The following SATB1 variants were observed in gnomAD, a reference collection of about 807,000 sequenced individuals.
SATB1 encodes the protein SATB homeobox 1, also known as DNA-binding protein SATB1.
A neutral mutation model predicts 86.9 loss-of-function variants in SATB1; 11 were observed. The ratio of observed to expected loss-of-function variants is 0.13; its 90% CI spans 0.08 to 0.21. The LOEUF (loss-of-function observed/expected upper bound fraction) is 0.21. Among genes scored for constraint, SATB1 ranks in the 10% least tolerant of loss-of-function variants. SATB1 has a pLI of 1.00. For missense variants in SATB1, 551 were observed against 937.6 expected (o/e 0.59, Z 5.39); for synonymous variants, 357 against 357.2 (o/e 1.00, Z 0.01).
intron 1 of SATB1, 67 bp from the exon 2 acceptor site, chr3:18,421,058 T>C (rs1170025762): frequency 6.4e-6 from 7 of 1,092,668 alleles, no homozygotes; most frequent in Middle Eastern, 2.6e-4. Context: ...ATGTGTCCTA[T>C]GTAAATGTTT....
chr3:18,427,646 C>CTATGCAT (rs1698751685), upstream of SATB1, among the ~76,000 whole-genome samples: 1 of 152,128 alleles, frequency 6.6e-6, no homozygotes, highest in Non-Finnish European at 1.5e-5. Flanking sequence ...CTGGTGAATG[C>CTATGCAT]TAATATAATA....
intron 5 of SATB1, among the ~76,000 whole-genome samples, chr3:18,398,912 C>G (rs940647980): frequency 4.6e-5 from 7 of 152,172 alleles, no homozygotes; most frequent in Non-Finnish European, 1.0e-4. Flanking sequence ...ATTACCTGAT[C>G]TGTCAGCTTC....
intron 9 of SATB1, among the ~76,000 whole-genome samples, chr3:18,372,051 A>G (rs1391990298): frequency 6.6e-6 from 1 of 152,230 alleles, no homozygotes; most frequent in Non-Finnish European, 1.5e-5. Context: ...GAATATTCTT[A>G]GTTTACACTT....
chr3:18,425,573 C>T (rs1029965041), upstream of SATB1, among the ~76,000 whole-genome samples: 2 of 151,132 alleles, frequency 1.3e-5, no homozygotes, highest in African/African-American at 2.4e-5. Flanking sequence ...GGGGAGCGCA[C>T]GATTTCCGGC....
At chr3:18,427,164 G>T (rs1411048972), upstream of SATB1, among the ~76,000 whole-genome samples, 1 of 152,150 alleles carries the variant, frequency 6.6e-6, no homozygotes, top group Admixed American at 6.5e-5. Flanking sequence ...AAAATGTGGG[G>T]AAATCTGAAG....
At position 18,421,227 on chromosome 3, in the gene SATB1, T is replaced by C. The variant is rs1031118224; in HGVS notation, c.-24-236A>G. 84 of 309,400 alleles carry C rather than the reference T, an allele frequency of 2.7e-4. 1 individual carries two copies. The highest frequency in any genetic ancestry group is 1.8e-3 in the African/African-American group (82 of 46,448). 19.2% of individuals were successfully genotyped at this position (309,400 alleles called of 1,614,324 possible). A position where few individuals can be genotyped will look rare whatever the true frequency, so the allele number is the denominator to read the frequency against. On this transcript the variant is annotated intron_variant, in intron 1 of 10. Transcript: ENST00000338745. ...GTACCAATACACATGAATAAAAAGA[T>C]AACTGGCCTATAAAAAAACTAAGTG...
intron 2 of SATB1, among the ~76,000 whole-genome samples, chr3:18,434,256 G>A (rs1395769198): frequency 1.3e-5 from 2 of 151,982 alleles, no homozygotes; most frequent in African/African-American, 4.8e-5. Flanking sequence ...TTACAACACT[G>A]CAACCAAGTG....
intron 7 of SATB1, among the ~76,000 whole-genome samples, chr3:18,393,925 A>G (rs927860949): frequency 2.0e-5 from 3 of 152,214 alleles, no homozygotes; most frequent in Admixed American, 2.0e-4. Context: ...AAGTCATATA[A>G]TATTTTTTCA....
chr3:18,428,697 C>T (rs2125191423), upstream of SATB1, among the ~76,000 whole-genome samples: 2 of 152,280 alleles, frequency 1.3e-5, 1 homozygote, highest in South Asian at 4.1e-4. Context: ...CATGTGGATG[C>T]ACATTTAAAA....
At position 18,348,903 on chromosome 3, in the gene SATB1, C is replaced by T; in HGVS notation, c.*267G>A. On this transcript the variant is annotated 3_prime_UTR_variant, in exon 11 of 11. Transcript: ENST00000338745. ...ACACTGGTTTCATGCTTACGGGGTA[C>T]ACACTTTGGTGCATCCCGTGAACAC... 2.1e-6 allele frequency: 1 copy of T among 472,982 alleles called. No individual in the cohort carries two copies. Among genetic ancestry groups the T allele is most frequent in the South Asian group, 2.8e-5 (1 of 35,146 alleles). The allele number at this position is 472,982 out of a possible 1,614,324, so 29.3% of individuals were successfully genotyped here.
chr3:18,401,426 A>T (rs1405307699), intron 5 of SATB1, among the ~76,000 whole-genome samples: 1 of 151,922 alleles, frequency 6.6e-6, no homozygotes, highest in African/African-American at 2.4e-5. Context: ...ACATCCACAC[A>T]GATGTCTCGG....
intron 9 of SATB1, among the ~76,000 whole-genome samples, chr3:18,366,412 T>A (rs1264902823): frequency 2.6e-5 from 4 of 151,524 alleles, no homozygotes; most frequent in Admixed American, 2.6e-4. Context: ...GCTATTAAAG[T>A]TTTTAATGTG....
At chr3:18,402,737 A>C (rs1189988232) in intron 5 of SATB1, among the ~76,000 whole-genome samples, 1 of 152,158 alleles carries the variant, frequency 6.6e-6, no homozygotes, top group Non-Finnish European at 1.5e-5. Context: ...TATCATGATC[A>C]AAACTTATCA....
In SATB1 at chr3:18,434,592, G is replaced by A. The variant is rs75443241; in HGVS notation, c.-25+2197C>T. Among the ~76,000 whole-genome samples the A allele has an allele frequency of 2.4e-3, 360 of 152,064 alleles. 4 individuals carry two copies. Among genetic ancestry groups the A allele is most frequent in the African/African-American group, 7.8e-3 (323 of 41,520 alleles). On this transcript the variant is annotated intron_variant, in intron 2 of 3. Coordinates refer to the SATB1 transcript ENST00000414509. ...GAACATAAGTCACATAGTGGGAAAA[G>A]TAGTGGAGAAAAGATAGAGAAACTA...
chr3:18,429,304 G>A (rs560170230), upstream of SATB1, among the ~76,000 whole-genome samples: 5 of 152,222 alleles, frequency 3.3e-5, no homozygotes, highest in Non-Finnish European at 7.3e-5. This position sits in a 1 kb window ranked among gnomAD's most constrained non-coding sequence, Gnocchi z 4.1. Context: ...AAAGAGCAGG[G>A]AGGAAGAAGC....
At chr3:18,408,567 T>C (rs1697668098) in intron 5 of SATB1, 1 of 152,040 alleles carries the variant, frequency 6.6e-6, no homozygotes, top group Non-Finnish European at 1.5e-5. Flanking sequence ...CTCTCCTCTG[T>C]TATGTTAAAG....
Position 18,444,204 on chromosome 3 carries a change from C to T in SATB1, c.-25+1314G>A, listed in dbSNP as rs964418804. Among the ~76,000 whole-genome samples, 2 of 152,084 alleles carry T rather than the reference C, an allele frequency of 1.3e-5. No homozygotes were observed. Among genetic ancestry groups the T allele is most frequent in the Non-Finnish European group, 2.9e-5 (2 of 68,004 alleles). On this transcript the variant is annotated intron_variant, in intron 1 of 3. Coordinates refer to the SATB1 transcript ENST00000415069. The surrounding 1 kb of genome is among the most constrained non-coding windows in gnomAD (Gnocchi z 5.1). ...CCCGGCTCCAGAACGCACCGAGAGG[C>T]TCCCCTTTTCCCCATTTGCTTCCTT...
At chr3:18,417,283 A>G in intron 2 of SATB1, 1 of 584,876 alleles carries the variant, frequency 1.7e-6, no homozygotes, top group East Asian at 2.9e-5. Flanking sequence ...GAAATATTTA[A>G]GTAGAATATG....
chr3:18,384,864 G>A (rs553078067), intron 8 of SATB1, among the ~76,000 whole-genome samples: 12 of 152,164 alleles, frequency 7.9e-5, no homozygotes, highest in African/African-American at 2.4e-4. Context: ...GTGTACATAC[G>A]TATATAGATG....
Sources: gnomAD v4.1 joint callset for allele counts (sites outside exome capture counted in the v4.1 genomes callset) on GRCh38, gnomAD v4.1.1 for gene constraint, Gnocchi (gnomAD v3.1) non-coding constraint, MANE v1.5 for transcripts, NCBI Gene and HGNC (gene_info 2026-07-23, HGNC 2026-07-21) for gene names.